Variants in PLXNA4 observed in about 807,000 individuals in gnomAD.
PLXNA4 encodes the protein plexin A4, also known as plexin-A4.
PLXNA4 carries 44 observed loss-of-function variants against 191.8 expected under a neutral mutation model. The ratio of observed to expected loss-of-function variants is 0.23; its 90% CI spans 0.18 to 0.29. The LOEUF is 0.29. PLXNA4 is among the 10% of genes least tolerant of loss of function. The pLI is 1.00. For missense variants in PLXNA4, 1,800 were observed against 2,488.8 expected (o/e 0.72, Z 5.89); for synonymous variants, 1,082 against 1,009.5 (o/e 1.07, Z -1.36).
At chr7:132,538,740 C>T (rs1049082930) in intron 1 of PLXNA4, among the ~76,000 whole-genome samples, 4 of 152,180 alleles carry the variant, frequency 2.6e-5, no homozygotes, top group Non-Finnish European at 5.9e-5. Flanking sequence ...AGGCTGCTGC[C>T]GCACCCCTTG....
intron 2 of PLXNA4, among the ~76,000 whole-genome samples, chr7:132,593,110 T>C (rs1210724527): frequency 6.6e-6 from 1 of 152,216 alleles, no homozygotes; most frequent in Non-Finnish European, 1.5e-5. Context: ...ATAGCGCTTA[T>C]CTGTTTTGTT....
intron 2 of PLXNA4, among the ~76,000 whole-genome samples, chr7:132,493,336 G>A (rs932000364): frequency 6.6e-6 from 1 of 152,148 alleles, no homozygotes; most frequent in Non-Finnish European, 1.5e-5. Context: ...TACACAAAAT[G>A]TTTGGCCATG....
intron 14 of PLXNA4, among the ~76,000 whole-genome samples, chr7:132,189,270 A>G (rs1797014391): frequency 6.6e-6 from 1 of 151,782 alleles, no homozygotes; most frequent in African/African-American, 2.4e-5. Flanking sequence ...TTATGGATAC[A>G]TGTTTTAGAG....
rs369316376 is a variant in PLXNA4 at position 132,607,330 on chromosome 7, C to T, written c.-87+38598G>A. Among the ~76,000 whole-genome samples, 8 of 152,254 alleles carry T rather than the reference C, an allele frequency of 5.3e-5. No individual in the cohort carries two copies. The East Asian group carries it at 9.7e-4, about 18-fold the overall frequency. On this transcript the variant is annotated intron_variant, in intron 2 of 4. Transcript: ENST00000378539. ...TCTCTCCTTCCTTCCACCTTCTCCCCCTCCTGCCTCACTGCTCACCAACCC... is the reference window on the plus strand; with the variant it reads ...TCTCTCCTTCCTTCCACCTTCTCCCTCTCCTGCCTCACTGCTCACCAACCC...
At chr7:132,356,680 A>G (rs920158593) in intron 3 of PLXNA4, among the ~76,000 whole-genome samples, 1 of 152,232 alleles carries the variant, frequency 6.6e-6, no homozygotes, top group Non-Finnish European at 1.5e-5. Flanking sequence ...CAGTTGGATA[A>G]TTATTCTAGC....
intron 1 of PLXNA4, among the ~76,000 whole-genome samples, chr7:132,563,150 C>G (rs1408817647): frequency 4.7e-5 from 4 of 85,378 alleles, no homozygotes; most frequent in Non-Finnish European, 7.5e-5. Context: ...TCCTCTTCCT[C>G]CTTCTCCTCC....
In PLXNA4 at chr7:132,182,466, C is replaced by T. The variant is rs185973097; in HGVS notation, c.3159-276G>A. 1.8e-4 allele frequency among the ~76,000 whole-genome samples: 27 copies of T among 152,232 alleles called. 1 individual carries two copies. In the East Asian group the frequency reaches 5.2e-3, roughly 30 times the overall value. The stretch of plus-strand genomic sequence containing the variant: ...TGGAGGCCCAGTCAACAGCACAGCC[C>T]CCTTGGCTCTCCAAGGCCTCTTGAT... On this transcript the variant is annotated intron_variant, in intron 16 of 31. Coordinates refer to ENST00000321063, the MANE Select transcript of PLXNA4 (RefSeq NM_020911.2).
chr7:132,515,207 G>A (rs1157599686), intron 1 of PLXNA4, among the ~76,000 whole-genome samples: 1 of 152,182 alleles, frequency 6.6e-6, no homozygotes, highest in Non-Finnish European at 1.5e-5. Context: ...TGTAATCACA[G>A]GGGTGAGAGC....
At chr7:132,450,467 C>T (rs191639428) in intron 3 of PLXNA4, among the ~76,000 whole-genome samples, 54 of 152,266 alleles carry the variant, frequency 3.5e-4, no homozygotes, top group Non-Finnish European at 6.3e-4. Flanking sequence ...TCTGACACAC[C>T]GTTTCCACTG....
intron 5 of PLXNA4, among the ~76,000 whole-genome samples, chr7:132,235,281 G>C (rs1199901880): frequency 6.6e-6 from 1 of 152,216 alleles, no homozygotes; most frequent in Non-Finnish European, 1.5e-5. Context: ...CTTCATGCAG[G>C]TCCCCTCCCT....
chr7:132,200,854 A>T (rs2116855330), intron 12 of PLXNA4, among the ~76,000 whole-genome samples: 1 of 152,384 alleles, frequency 6.6e-6, no homozygotes, highest in South Asian at 2.1e-4. Flanking sequence ...CACTTTGGTT[A>T]GAGTATGTGT....
chr7:132,172,717 A>G (rs940563602), intron 21 of PLXNA4, among the ~76,000 whole-genome samples: 7 of 152,016 alleles, frequency 4.6e-5, no homozygotes, highest in African/African-American at 1.7e-4. Flanking sequence ...AACATATGTA[A>G]CTAACCTGCA....
At chr7:132,189,001 A>AG (rs1431776798) in intron 14 of PLXNA4, among the ~76,000 whole-genome samples, 20 of 57,412 alleles carry the variant, frequency 3.5e-4, no homozygotes, top group South Asian at 2.9e-3. Context: ...AAGGAGAGAG[A>AG]GAGAGAGAGA....
chr7:132,189,582 G>T (rs2116796827), intron 14 of PLXNA4, among the ~76,000 whole-genome samples: 1 of 152,262 alleles, frequency 6.6e-6, no homozygotes, highest in Non-Finnish European at 1.5e-5. Flanking sequence ...ACTAAAAAGG[G>T]TCTCCCCAAC....
At chr7:132,289,097 T>TA (rs1800789633) in intron 4 of PLXNA4, among the ~76,000 whole-genome samples, 1 of 152,162 alleles carries the variant, frequency 6.6e-6, no homozygotes, top group Non-Finnish European at 1.5e-5. Context: ...CTCAGCATGG[T>TA]AAAAAACAAT....
At chr7:132,537,871 G>A (rs1010908365) in intron 1 of PLXNA4, among the ~76,000 whole-genome samples, 8 of 152,176 alleles carry the variant, frequency 5.3e-5, no homozygotes, top group Non-Finnish European at 7.4e-5. Flanking sequence ...AGAAGTGCAC[G>A]GGCAGTGGGG....
intron 3 of PLXNA4, among the ~76,000 whole-genome samples, chr7:132,343,181 C>G (rs1018286885): frequency 3.9e-5 from 6 of 151,950 alleles, no homozygotes; most frequent in Non-Finnish European, 8.8e-5. Flanking sequence ...ACAAATTAGA[C>G]TGGGTGAGAT....
At chr7:132,449,383 A>G (rs1796032670) in intron 3 of PLXNA4, among the ~76,000 whole-genome samples, 3 of 152,222 alleles carry the variant, frequency 2.0e-5, no homozygotes, top group South Asian at 4.1e-4. Context: ...GGTCAAGACA[A>G]TGAAGCTGGT....
intron 3 of PLXNA4, among the ~76,000 whole-genome samples, chr7:132,455,225 A>G (rs1796269718): frequency 6.6e-6 from 1 of 152,168 alleles, no homozygotes; most frequent in South Asian, 2.1e-4. Flanking sequence ...AAAATAAAGC[A>G]TGAAGCCCAG....
Sources: gnomAD v4.1 joint callset for allele counts (sites outside exome capture counted in the v4.1 genomes callset) on GRCh38, gnomAD v4.1.1 for gene constraint, MANE v1.5 for transcripts, NCBI Gene and HGNC (gene_info 2026-07-23, HGNC 2026-07-21) for gene names.